The following DDX39B variants were observed in gnomAD, a reference collection of about 807,000 sequenced individuals.
The protein encoded by DDX39B is DExD-box helicase 39B.
Under a neutral mutation model 46.4 loss-of-function variants are expected in DDX39B, and 6 were observed. That is an observed-to-expected ratio of 0.13 (90% CI 0.07 to 0.26). The LOEUF is 0.26. Among genes scored for constraint, DDX39B ranks in the 10% least tolerant of loss-of-function variants. The pLI, the probability that DDX39B is intolerant of heterozygous loss-of-function variation, is 1.00. For synonymous variants in DDX39B, 174 were observed against 199.4 expected (o/e 0.87, Z 1.07); for missense variants, 185 against 553.4 (o/e 0.33, Z 6.68).
chr6:31,539,436 T>G (rs1768153299), intron 2 of DDX39B, among the ~76,000 whole-genome samples, 162 bp from the exon 3 acceptor site: 1 of 152,188 alleles, frequency 6.6e-6, no homozygotes, highest in Admixed American at 6.5e-5. Context: ...TCTGCTCAAT[T>G]ACATTCACCT....
At chr6:31,540,923 T>C (rs1439120576) in intron 1 of DDX39B, 1 of 402,810 alleles carries the variant, frequency 2.5e-6, no homozygotes, top group Non-Finnish European at 4.7e-6. Context: ...AAGACCAACT[T>C]ATAAATTCTT....
At chr6:31,541,810 T>C in intron 1 of DDX39B, 140 bp downstream of exon 1, 1 of 663,156 alleles carries the variant, frequency 1.5e-6, no homozygotes, top group South Asian at 1.6e-5. Context: ...TCGAAAGGGA[T>C]GCAAGCTAAG....
In DDX39B at chr6:31,530,396, G is replaced by A. The variant is rs896114493; in HGVS notation, c.*38C>T. Reference sequence around the variant, plus strand: ...CACCCCCACCCTGGTGTCCTCTCCTGAAGGACAGACGGTCACATTCCAAAA... The same window carrying A: ...CACCCCCACCCTGGTGTCCTCTCCTAAAGGACAGACGGTCACATTCCAAAA... On this transcript the variant is annotated 3_prime_UTR_variant, in exon 11 of 11. Transcript: ENST00000396172. This position sits in a 1 kb window ranked among gnomAD's most constrained non-coding sequence, Gnocchi z 4.5. 3 of 1,612,446 alleles carry A rather than the reference G, an allele frequency of 1.9e-6. No individual in the cohort carries two copies. The highest frequency in any genetic ancestry group is 2.2e-5 in the South Asian group (2 of 91,030).
rs3219187 is a variant in DDX39B, at chr6:31,539,098, C to G, written c.339+49G>C. ...GTAGCTAGGACAAAAACACCCTTCC[C>G]TTATAGTCCTAACCAAAATCCCCTC... On this transcript the variant is annotated intron_variant, in intron 3 of 10. Coordinates refer to ENST00000396172, the MANE Select transcript of DDX39B (RefSeq NM_004640.7). 6.3e-5 allele frequency: 102 copies of G among 1,613,524 alleles called. No homozygotes were observed. In the East Asian group the frequency reaches 2.3e-3, roughly 36 times the overall value.
chr6:31,541,913 C>T, intron 1 of DDX39B, 37 bp downstream of exon 1: 1 of 637,798 alleles, frequency 1.6e-6, no homozygotes, highest in East Asian at 2.7e-5. Context: ...CGGAGAAGCG[C>T]AGATGGAAAC....
At chr6:31,539,111 C>G in intron 3 of DDX39B, 36 bp downstream of exon 3, 1 of 1,613,390 alleles carries the variant, frequency 6.2e-7, no homozygotes, top group Non-Finnish European at 8.5e-7. Context: ...ATAGTCCTAA[C>G]CAAAATCCCC....
At chr6:31,533,590 G>GT (rs1211704156) in intron 6 of DDX39B, 1 of 152,718 alleles carries the variant, frequency 6.5e-6, no homozygotes, top group African/African-American at 2.4e-5. Flanking sequence ...TACAGGAAAG[G>GT]TATCAGTAAG....
rs1481932976 is a variant in DDX39B at position 31,534,838 on chromosome 6, G to A, written c.735+529C>T. The A allele has an allele frequency of 1.5e-5, 4 of 267,630 alleles. No individual in the cohort carries two copies. The highest frequency in any genetic ancestry group is 2.2e-5 in the Non-Finnish European group (3 of 133,982). The allele number at this position is 267,630 out of a possible 1,614,324, so 16.6% of individuals were successfully genotyped here. A position where few individuals can be genotyped will look rare whatever the true frequency, so the allele number is the denominator to read the frequency against. On this transcript the variant is annotated intron_variant, in intron 6 of 10. Transcript: ENST00000396172. The surrounding 1 kb of genome is among the most constrained non-coding windows in gnomAD (Gnocchi z 5.1). ...GGAGTAGGGTATCGGGGATTGAGGT[G>A]CCAAAGGCCCCCACCCCTGGAGGTG...
intron 1 of DDX39B, chr6:31,541,021 A>C: frequency 2.1e-6 from 1 of 482,106 alleles, no homozygotes; most frequent in Admixed American, 2.3e-5. Context: ...TGGAGATGAC[A>C]AGTAGAGTCC....
rs936964404 is a variant in DDX39B, at chr6:31,534,761, C to T, written c.735+606G>A. ...CCGCGCCACGGTGCTTCTCTGTTGCCGGCTCACATCAACCGAGGTTCCAGA... is the reference window on the plus strand; with the variant it reads ...CCGCGCCACGGTGCTTCTCTGTTGCTGGCTCACATCAACCGAGGTTCCAGA... On this transcript the variant is annotated intron_variant, in intron 6 of 10. Coordinates refer to ENST00000396172, the MANE Select transcript of DDX39B (RefSeq NM_004640.7). This position sits in a 1 kb window ranked among gnomAD's most constrained non-coding sequence, Gnocchi z 5.1. The T allele has an allele frequency of 8.8e-6, 3 of 339,824 alleles. No homozygotes were observed. The highest frequency in any genetic ancestry group is 3.8e-5 in the Admixed American group (1 of 26,144). The allele number at this position is 339,824 out of a possible 1,614,324, so 21.1% of individuals were successfully genotyped here.
chr6:31,535,599 G>A lies in DDX39B; in HGVS notation c.617-114C>T, dbSNP rs932577598. 4 of 776,064 alleles carry A rather than the reference G, an allele frequency of 5.2e-6. No homozygotes were observed. The highest frequency in any genetic ancestry group is 8.6e-6 in the Non-Finnish European group (4 of 467,546). 48.1% of individuals were successfully genotyped at this position (776,064 alleles called of 1,614,324 possible). A position where few individuals can be genotyped will look rare whatever the true frequency, so the allele number is the denominator to read the frequency against. On this transcript the variant is annotated intron_variant, in intron 5 of 10. Coordinates refer to ENST00000396172, the MANE Select transcript of DDX39B (RefSeq NM_004640.7). This position sits in a 1 kb window ranked among gnomAD's most constrained non-coding sequence, Gnocchi z 4.6. ...TGCTGGAAATAGTAACAACACAATG[G>A]AAAGAGCAATGGACTTGGAATCAAG... is the stretch of plus-strand genomic sequence containing the variant.
chr6:31,536,257 C>A (rs1016844153), intron 5 of DDX39B: 2 of 613,798 alleles, frequency 3.3e-6, no homozygotes, highest in Non-Finnish European at 5.9e-6. Context: ...ATGACTTATG[C>A]CTAAAATTAT....
chr6:31,538,576 G>A (rs1443124516), intron 4 of DDX39B, among the ~76,000 whole-genome samples, 187 bp downstream of exon 4: 1 of 152,146 alleles, frequency 6.6e-6, no homozygotes, highest in African/African-American at 2.4e-5. Flanking sequence ...AGTAAGAAAA[G>A]GGTGGTCTTG....
Position 31,531,921 on chromosome 6 carries a change from G to C in DDX39B, c.868-516C>G, listed in dbSNP as rs575754026. 1.3e-5 allele frequency among the ~76,000 whole-genome samples: 2 copies of C among 152,228 alleles called. No homozygotes were observed. Among genetic ancestry groups the C allele is most frequent in the African/African-American group, 4.8e-5 (2 of 41,540 alleles). On this transcript the variant is annotated intron_variant, in intron 7 of 10. Transcript: ENST00000396172. This position sits in a 1 kb window ranked among gnomAD's most constrained non-coding sequence, Gnocchi z 5.8. ...AGCCTCCACCCTCCTGGGTTTAAGA[G>C]ATCCTTCCACCTCAGCATCCCAAGC...
Position 31,531,623 on chromosome 6 carries a change from C to G in DDX39B, c.868-218G>C. ...AAGGAAGCTGGCCTCTGAGGTAGCA[C>G]AGAGTTCAGAAATCAAAATTGCCAG... On this transcript the variant is annotated intron_variant, in intron 7 of 10. Transcript: ENST00000396172. The surrounding 1 kb of genome is among the most constrained non-coding windows in gnomAD (Gnocchi z 5.8). 1 of 554,698 alleles carries G rather than the reference C, an allele frequency of 1.8e-6. No individual in the cohort carries two copies. Among genetic ancestry groups the G allele is most frequent in the African/African-American group, 1.9e-5 (1 of 53,052 alleles). The allele number at this position is 554,698 out of a possible 1,614,324, so 34.4% of individuals were successfully genotyped here. A position where few individuals can be genotyped will look rare whatever the true frequency, so the allele number is the denominator to read the frequency against.
At chr6:31,536,359 A>T (rs767892679) in intron 5 of DDX39B, 141 bp downstream of exon 5, 2 of 1,227,430 alleles carry the variant, frequency 1.6e-6, no homozygotes, top group Non-Finnish European at 2.4e-6. Flanking sequence ...AATAAAGACC[A>T]ACCAGGGAAC....
chr6:31,536,348 T>A, intron 5 of DDX39B, 152 bp downstream of exon 5: 1 of 1,108,024 alleles, frequency 9.0e-7, no homozygotes, highest in Non-Finnish European at 1.4e-6. Context: ...CTTAAAAGCA[T>A]AATAAAGACC....
At chr6:31,541,541 G>T in intron 1 of DDX39B, 1 of 423,844 alleles carries the variant, frequency 2.4e-6, no homozygotes, top group Non-Finnish European at 4.8e-6. Context: ...ACTGGGCCCA[G>T]AAACCAGCTC....
intron 6 of DDX39B, chr6:31,533,636 A>G (rs3093948): frequency 0.84 from 128,644 of 152,404 alleles, 54,415 homozygotes; most frequent in East Asian, 0.93. Flanking sequence ...CAGCAGATAC[A>G]CTTTTAAGGG....
Sources: gnomAD v4.1 joint callset for allele counts (sites outside exome capture counted in the v4.1 genomes callset) on GRCh38, gnomAD v4.1.1 for gene constraint, Gnocchi (gnomAD v3.1) non-coding constraint, MANE v1.5 for transcripts, NCBI Gene and HGNC (gene_info 2026-07-23, HGNC 2026-07-21) for gene names.